PTPRD: variants seen among roughly 807,000 people sequenced by gnomAD.
PTPRD encodes the protein receptor-type tyrosine-protein phosphatase delta.
A neutral mutation model predicts 214.5 loss-of-function variants in PTPRD; 34 were observed. The observed-to-expected ratio is 0.16, with a 90% CI of 0.12 to 0.21. PTPRD has a LOEUF of 0.21. PTPRD is among the 10% of genes least tolerant of loss of function. PTPRD has a pLI of 1.00. For synonymous variants in PTPRD, 1,128 were observed against 845.7 expected, an observed-to-expected ratio of 1.33 and a Z score of -5.79; for missense variants, 2,545 against 2,398.7, an observed-to-expected ratio of 1.06 and a Z score of -1.27.
intron 3 of PTPRD, among the ~76,000 whole-genome samples, chr9:10,221,384 T>C (rs2099570600): frequency 6.6e-6 from 1 of 152,008 alleles, no homozygotes; most frequent in African/African-American, 2.4e-5. Context: ...ACTAAAAATC[T>C]AAAAAACATG....
At chr9:10,335,586 A>T (rs1165537542) in intron 3 of PTPRD, among the ~76,000 whole-genome samples, 2 of 151,728 alleles carry the variant, frequency 1.3e-5, no homozygotes, top group African/African-American at 4.8e-5. Flanking sequence ...AAATAAATAA[A>T]TGATAAACTG....
At chr9:10,449,636 C>T (rs1420566568) in intron 2 of PTPRD, among the ~76,000 whole-genome samples, 2 of 151,558 alleles carry the variant, frequency 1.3e-5, no homozygotes, top group Non-Finnish European at 2.9e-5. Context: ...TGGGGAGCGC[C>T]TCTGCCCCGC....
At chr9:9,442,409 G>A (rs148050898) in intron 8 of PTPRD, 6 of 152,218 alleles carry the variant, frequency 3.9e-5, no homozygotes, top group African/African-American at 4.8e-5. Context: ...ATTCTAATGC[G>A]CCTGTAGTAC....
intron 11 of PTPRD, among the ~76,000 whole-genome samples, chr9:8,778,145 T>C (rs141965469): frequency 2.7e-4 from 41 of 152,348 alleles, no homozygotes; most frequent in South Asian, 1.0e-3. Flanking sequence ...TAGGTGGTTT[T>C]ATGTCATATA....
chr9:9,605,940 CACT>C (rs1161186431), intron 7 of PTPRD, among the ~76,000 whole-genome samples: 1 of 151,960 alleles, frequency 6.6e-6, no homozygotes, highest in Admixed American at 6.6e-5. Context: ...GACTATTTTG[CACT>C]ACAATGGTTC....
At chr9:8,806,132 C>A (rs1241667152) in intron 11 of PTPRD, among the ~76,000 whole-genome samples, 2 of 151,542 alleles carry the variant, frequency 1.3e-5, no homozygotes, top group Non-Finnish European at 2.9e-5. Flanking sequence ...ATCATGTTGG[C>A]CAGGCTGGTC....
intron 3 of PTPRD, among the ~76,000 whole-genome samples, chr9:10,256,503 T>C (rs1225219183): frequency 2.6e-5 from 4 of 152,042 alleles, no homozygotes; most frequent in African/African-American, 4.8e-5. Flanking sequence ...TATGGGACCA[T>C]TGGGGTATAT....
intron 11 of PTPRD, among the ~76,000 whole-genome samples, chr9:8,864,284 T>G (rs2098157409): frequency 6.6e-6 from 1 of 152,234 alleles, no homozygotes; most frequent in African/African-American, 2.4e-5. Flanking sequence ...ACTGCAGCAT[T>G]TGTTTAAAAT....
Position 8,751,404 on chromosome 9 carries a change from A to G in PTPRD, c.-103-17458T>C, listed in dbSNP as rs1431743397. On this transcript the variant is annotated intron_variant, in intron 11 of 45. Coordinates refer to ENST00000381196, the MANE Select transcript of PTPRD (RefSeq NM_002839.4). ...CGGAAAGGCTTTCTACACTCACTTA[A>G]AAAAAAAAAAGAAAAGAAAAAAAAA... Among the ~76,000 whole-genome samples, 4 of 88,566 alleles carry G rather than the reference A, an allele frequency of 4.5e-5. No individual in the cohort carries two copies. In the South Asian group the frequency reaches 1.9e-3, roughly 42 times the overall value. The allele number at this position is 88,566 out of a possible 152,430, so 58.1% of individuals were successfully genotyped here.
chr9:9,144,307 C>T (rs1042230539), intron 10 of PTPRD, among the ~76,000 whole-genome samples: 2 of 152,172 alleles, frequency 1.3e-5, no homozygotes, highest in Non-Finnish European at 2.9e-5. Context: ...AGATGATTTA[C>T]TGCAATTTGT....
chr9:10,204,635 C>G (rs2099457812), intron 3 of PTPRD, among the ~76,000 whole-genome samples: 2 of 151,970 alleles, frequency 1.3e-5, no homozygotes, highest in Admixed American at 1.3e-4. Flanking sequence ...ATAACTATGA[C>G]AAAGGCAGTA....
At chr9:10,197,062 T>C (rs1031548768) in intron 3 of PTPRD, among the ~76,000 whole-genome samples, 58 of 152,072 alleles carry the variant, frequency 3.8e-4, no homozygotes, top group African/African-American at 1.3e-3. Context: ...CCCTAGTTTA[T>C]GCTGTTTTGT....
At chr9:8,324,981 T>C (rs540115959) in intron 44 of PTPRD, among the ~76,000 whole-genome samples, 4 of 152,260 alleles carry the variant, frequency 2.6e-5, no homozygotes, top group South Asian at 4.2e-4. Context: ...AAGTTCTTTG[T>C]AGATTCTGGA....
chr9:10,023,808 A>G (rs1290711590), intron 4 of PTPRD, among the ~76,000 whole-genome samples: 6 of 152,042 alleles, frequency 3.9e-5, no homozygotes. Flanking sequence ...AAGGTTTAAT[A>G]AAGGTTAACA....
At chr9:8,814,285 C>T (rs924408848) in intron 11 of PTPRD, among the ~76,000 whole-genome samples, 12 of 152,064 alleles carry the variant, frequency 7.9e-5, no homozygotes, top group Non-Finnish European at 1.6e-4. Context: ...ATTTCATATG[C>T]GGCTATGAAG....
At chr9:9,184,333 T>G (rs948322034) in intron 9 of PTPRD, among the ~76,000 whole-genome samples, 1 of 152,108 alleles carries the variant, frequency 6.6e-6, no homozygotes, top group African/African-American at 2.4e-5. Context: ...TAGATGTGAC[T>G]ACATTCCTCA....
chr9:8,907,361 C>T (rs751350226), intron 11 of PTPRD, among the ~76,000 whole-genome samples: 11 of 150,980 alleles, frequency 7.3e-5, no homozygotes, highest in South Asian at 2.1e-4. Flanking sequence ...TTTAAAGAAA[C>T]GGAGAAATTA....
chr9:10,308,123 G>A (rs1441361750), intron 3 of PTPRD, among the ~76,000 whole-genome samples: 2 of 151,766 alleles, frequency 1.3e-5, no homozygotes, highest in African/African-American at 2.4e-5. Flanking sequence ...TCAGGTGTTA[G>A]CCATAAAATC....
intron 8 of PTPRD, among the ~76,000 whole-genome samples, chr9:9,538,797 A>G (rs1474755313): frequency 1.3e-5 from 2 of 151,944 alleles, no homozygotes; most frequent in Non-Finnish European, 2.9e-5. Context: ...TTGGTTCAAA[A>G]AAGGAGTCAA....
Sources: allele counts gnomAD v4.1 joint callset (sites outside exome capture counted in the v4.1 genomes callset), GRCh38; gene constraint gnomAD v4.1.1; transcripts MANE v1.5; gene names NCBI Gene and HGNC (gene_info 2026-07-23, HGNC 2026-07-21).